SYT16: variants seen among roughly 807,000 people sequenced by gnomAD.
SYT16 encodes the protein synaptotagmin 16.
A neutral mutation model predicts 61.4 loss-of-function variants in SYT16; 42 were observed. The observed-to-expected ratio is 0.68, with a 90% CI of 0.53 to 0.89. The LOEUF (loss-of-function observed/expected upper bound fraction) is 0.89. Among genes scored for constraint, SYT16 ranks in the 40% least tolerant of loss-of-function variants. The pLI is 0.00. For synonymous variants in SYT16, 314 were observed against 302.3 expected, an observed-to-expected ratio of 1.04 and a Z score of -0.40; for missense variants, 804 against 807.3, an observed-to-expected ratio of 1.00 and a Z score of 0.05.
intron 3 of SYT16, among the ~76,000 whole-genome samples, chr14:62,001,077 A>G (rs2052995619): frequency 6.6e-6 from 1 of 152,086 alleles, no homozygotes; most frequent in Non-Finnish European, 1.5e-5. Flanking sequence ...ATAATTTTTA[A>G]AAACCCCTCC....
In SYT16 at chr14:62,063,528, G is replaced by A. The variant is rs189665603; in HGVS notation, c.524-6075G>A. Among the ~76,000 whole-genome samples, 348 of 152,154 alleles carry A rather than the reference G, an allele frequency of 2.3e-3. 2 individuals are homozygous for A. The highest frequency in any genetic ancestry group is 5.9e-3 in the Admixed American group (90 of 15,276). On this transcript the variant is annotated intron_variant, in intron 3 of 7. Coordinates refer to ENST00000683842, the MANE Select transcript of SYT16 (RefSeq NM_001367656.1). ...AGGAACTTGCTTAGGTCCCAGACTC[G>A]CAAATATAATATCCCAGTTTTAAAC...
At chr14:61,897,045 G>A (rs217676) in intron 1 of SYT16, among the ~76,000 whole-genome samples, 86,105 of 151,946 alleles carry the variant, frequency 0.57, 24,495 homozygotes, top group South Asian at 0.63. Context: ...ACAGTTTCAA[G>A]TGGTGGGAAA....
In SYT16 at chr14:62,045,137, A is replaced by AAAAT. The variant is rs754323210; in HGVS notation, c.524-24442_524-24439dup. On this transcript the variant is annotated intron_variant, in intron 3 of 7. Transcript: ENST00000683842. ...TGGGTGACAGAGTGAGACTATGTCT[A>AAAAT]AAATAAATAAATAAATAAATAAATA... Among the ~76,000 whole-genome samples the AAAAT allele has an allele frequency of 1.9e-3, 288 of 151,970 alleles. 1 individual carries two copies. Among genetic ancestry groups the AAAAT allele is most frequent in the Non-Finnish European group, 1.8e-3 (120 of 67,978 alleles).
intron 1 of SYT16, among the ~76,000 whole-genome samples, chr14:61,921,156 A>G (rs2049320479): frequency 6.6e-6 from 1 of 152,220 alleles, no homozygotes; most frequent in Admixed American, 6.5e-5. Context: ...TTCCCTCAGC[A>G]TCTAGCACAG....
intron 3 of SYT16, among the ~76,000 whole-genome samples, chr14:62,043,256 T>C (rs1430785009): frequency 6.6e-6 from 1 of 152,154 alleles, no homozygotes; most frequent in East Asian, 1.9e-4. Flanking sequence ...TATTCTTGTC[T>C]TGAATTATCT....
chr14:61,995,660 C>G (rs1332236199), intron 2 of SYT16, among the ~76,000 whole-genome samples: 2 of 152,234 alleles, frequency 1.3e-5, no homozygotes, highest in East Asian at 3.9e-4. Context: ...GAACCCATTA[C>G]TGCTAATGGA....
chr14:61,824,349 T>TTTTA (rs1287210367), intron 1 of SYT16, among the ~76,000 whole-genome samples: 2 of 150,808 alleles, frequency 1.3e-5, no homozygotes, highest in Admixed American at 1.3e-4. Flanking sequence ...AAGCATTTTA[T>TTTTA]TTTATTTATT....
rs189884641 is a variant in SYT16 at position 61,920,265 on chromosome 14, T to G, written c.-324-49867T>G. On this transcript the variant is annotated intron_variant, in intron 1 of 7. Coordinates refer to ENST00000683842, the MANE Select transcript of SYT16 (RefSeq NM_001367656.1). The stretch of plus-strand genomic sequence containing the variant: ...TGTTAAGAACTTGGTTTTTTAAAAT[T>G]TATTTTACTTTAAGTCTTGGGATAC... Among the ~76,000 whole-genome samples the G allele has an allele frequency of 4.9e-4, 75 of 152,314 alleles. No homozygotes were observed. The Middle Eastern group carries it at 0.027, about 55-fold the overall frequency.
At chr14:62,005,675 G>T (rs777368737) in intron 3 of SYT16, among the ~76,000 whole-genome samples, 7 of 152,132 alleles carry the variant, frequency 4.6e-5, no homozygotes, top group Non-Finnish European at 7.4e-5. Context: ...AAGTAGATAT[G>T]AGGAGGAACA....
At chr14:61,833,895 C>A (rs924518927) in intron 1 of SYT16, among the ~76,000 whole-genome samples, 10 of 148,604 alleles carry the variant, frequency 6.7e-5, no homozygotes, top group Non-Finnish European at 1.3e-4. Flanking sequence ...CAATCCTGTT[C>A]TTTTTCCCTG....
intron 3 of SYT16, among the ~76,000 whole-genome samples, chr14:62,045,212 T>C (rs996048656): frequency 5.3e-5 from 8 of 152,146 alleles, no homozygotes; most frequent in Non-Finnish European, 1.2e-4. Flanking sequence ...GCTACTAGGA[T>C]CATAAGTGAG....
Position 62,032,483 on chromosome 14 carries a change from G to A in SYT16, c.523+35941G>A, listed in dbSNP as rs904744159. The stretch of plus-strand genomic sequence containing the variant: ...ATCTATTATTTTGTAATATCCATTA[G>A]CTTAGGATGGTTTTCTGTACCTAAT... On this transcript the variant is annotated intron_variant, in intron 3 of 7. Coordinates refer to ENST00000683842, the MANE Select transcript of SYT16 (RefSeq NM_001367656.1). Among the ~76,000 whole-genome samples, 5 of 151,960 alleles carry A rather than the reference G, an allele frequency of 3.3e-5. No individual in the cohort carries two copies. The South Asian group carries it at 1.0e-3, about 32-fold the overall frequency.
At chr14:62,060,018 G>C (rs1036115324) in intron 3 of SYT16, among the ~76,000 whole-genome samples, 1 of 152,048 alleles carries the variant, frequency 6.6e-6, no homozygotes, top group Non-Finnish European at 1.5e-5. Flanking sequence ...TTGATTTAAT[G>C]TAGCTATATA....
Position 62,064,334 on chromosome 14 carries a change from G to GAAAAAAAAAAAA in SYT16, c.524-5256_524-5245dup, listed in dbSNP as rs781727444. ...TAGACAAGAGCCAAACTTTAAATTT[G>GAAAAAAAAAAAA]AAAAAAAAAAAAAAAAAAAAAAAAG... On this transcript the variant is annotated intron_variant, in intron 3 of 7. Coordinates refer to ENST00000683842, the MANE Select transcript of SYT16 (RefSeq NM_001367656.1). Among the ~76,000 whole-genome samples the GAAAAAAAAAAAA allele has an allele frequency of 1.9e-3, 83 of 42,994 alleles. 3 individuals are homozygous for GAAAAAAAAAAAA. The highest frequency in any genetic ancestry group is 5.9e-3 in the African/African-American group (71 of 12,078). The allele number at this position is 42,994 out of a possible 152,430, so 28.2% of individuals were successfully genotyped here.
chr14:62,036,107 C>T (rs2054496348), intron 3 of SYT16, among the ~76,000 whole-genome samples: 2 of 151,992 alleles, frequency 1.3e-5, no homozygotes, highest in Admixed American at 1.3e-4. Context: ...GGGGTAAGCA[C>T]AGGGCGTAGG....
intron 6 of SYT16, 120 bp downstream of exon 6, chr14:62,081,394 G>GCT: frequency 8.8e-7 from 1 of 1,135,232 alleles, no homozygotes; most frequent in Non-Finnish European, 1.2e-6. Flanking sequence ...TTTCCATTTG[G>GCT]CTCTCCTCAC....
At position 61,887,228 on chromosome 14, in the gene SYT16, G is replaced by T. The variant is rs950750188; in HGVS notation, c.-325+74418G>T. On this transcript the variant is annotated intron_variant, in intron 1 of 7. Transcript: ENST00000683842. Reference sequence around the variant, plus strand: ...AATATTTTGAAAGGAATCTTTTTCTGAGCAGTAGATCTCAACACTGGGCTT... The same window carrying T: ...AATATTTTGAAAGGAATCTTTTTCTTAGCAGTAGATCTCAACACTGGGCTT... Among the ~76,000 whole-genome samples, 15 of 152,284 alleles carry T rather than the reference G, an allele frequency of 9.9e-5. 1 individual carries two copies. The South Asian group carries it at 1.9e-3, about 19-fold the overall frequency.
chr14:61,891,242 GCACACACA>G (rs34375502), intron 1 of SYT16, among the ~76,000 whole-genome samples: 21 of 147,896 alleles, frequency 1.4e-4, no homozygotes, highest in South Asian at 1.3e-3. Context: ...ACACACACGC[GCACACACA>G]CACACACACA....
At chr14:62,037,822 T>C (rs1296675799) in intron 3 of SYT16, among the ~76,000 whole-genome samples, 1 of 152,170 alleles carries the variant, frequency 6.6e-6, no homozygotes, top group African/African-American at 2.4e-5. Flanking sequence ...ATTTCTTAAG[T>C]GAACCTGACT....
Sources: allele counts gnomAD v4.1 joint callset (sites outside exome capture counted in the v4.1 genomes callset), GRCh38; gene constraint gnomAD v4.1.1; transcripts MANE v1.5; gene names NCBI Gene and HGNC (gene_info 2026-07-23, HGNC 2026-07-21).